TTBK2: variants seen among roughly 807,000 people sequenced by gnomAD.
TTBK2 encodes the protein tau tubulin kinase 2, also known as tau-tubulin kinase 2.
TTBK2 carries 28 observed loss-of-function variants against 110.8 expected under a neutral mutation model. The ratio of observed to expected loss-of-function variants is 0.25; its 90% CI spans 0.19 to 0.35. The LOEUF is 0.35. Ranked by LOEUF, TTBK2 falls within the 10% of genes least tolerant of loss-of-function variation. TTBK2 has a pLI of 1.00. For missense variants in TTBK2, 1,369 were observed against 1,500.3 expected (o/e 0.91, Z 1.45); for synonymous variants, 532 against 527.3 (o/e 1.01, Z -0.12).
intron 3 of TTBK2, among the ~76,000 whole-genome samples, chr15:42,851,249 G>GAA (rs761411827): frequency 2.0e-5 from 2 of 100,198 alleles, no homozygotes; most frequent in African/African-American, 7.4e-5. Flanking sequence ...CTCTGTCTCA[G>GAA]AAAAAAAAAA....
intron 3 of TTBK2, among the ~76,000 whole-genome samples, chr15:42,859,494 T>G (rs1894073034): frequency 6.6e-6 from 1 of 152,072 alleles, no homozygotes; most frequent in African/African-American, 2.4e-5. Context: ...TCTCACCTAA[T>G]GGGGTGCGGG....
chr15:42,911,831 G>A (rs2030770629), intron 1 of TTBK2, among the ~76,000 whole-genome samples: 1 of 152,160 alleles, frequency 6.6e-6, no homozygotes, highest in African/African-American at 2.4e-5. Flanking sequence ...ACAAGTGCAT[G>A]GGAAAATAAA....
chr15:42,906,025 C>T (rs540409958), intron 1 of TTBK2, among the ~76,000 whole-genome samples: 5 of 152,172 alleles, frequency 3.3e-5, no homozygotes, highest in Admixed American at 3.3e-4. Context: ...CCTGTCTCTA[C>T]TAAAAATACA....
At chr15:42,764,069 G>A (rs1003606514) in intron 13 of TTBK2, among the ~76,000 whole-genome samples, 2 of 152,146 alleles carry the variant, frequency 1.3e-5, no homozygotes, top group Non-Finnish European at 2.9e-5. Flanking sequence ...TATATACAAG[G>A]CTACAGGATT....
intron 11 of TTBK2, among the ~76,000 whole-genome samples, chr15:42,781,037 C>A (rs1223204787): frequency 6.6e-6 from 1 of 151,892 alleles, no homozygotes; most frequent in Admixed American, 6.6e-5. Context: ...AACATAAAGA[C>A]GTAAGATTGT....
chr15:42,821,718 T>C (rs1364749096), intron 6 of TTBK2, among the ~76,000 whole-genome samples: 1 of 145,500 alleles, frequency 6.9e-6, no homozygotes, highest in East Asian at 2.0e-4. Context: ...TGAGACAGAG[T>C]CTCACTCTGT....
Position 42,753,013 on chromosome 15 carries a change from T to A in TTBK2, c.2233A>T (p.Ile745Phe). ...DHIGHDMLPN[I>F]RESNKSQDLG... ...TCTTGAGATTTGTTACTTTCTCTAA[T>A]GTTGGGTAACATGTCATGACCAATG... The change falls in exon 14 of 15, where the codon ATT becomes TTT. Residue 745 changes from isoleucine (I) to phenylalanine (F), a missense_variant. Around this residue, in one of 4 missense-constraint regions of TTBK2, gnomAD observed 1,097 missense variants for 1,114.7 expected, o/e 0.98. Coordinates refer to ENST00000267890, the MANE Select transcript of TTBK2 (RefSeq NM_173500.4). 1 of 1,614,206 alleles carries A rather than the reference T, an allele frequency of 6.2e-7. No homozygotes were observed. The highest frequency in any genetic ancestry group is 8.5e-7 in the Non-Finnish European group (1 of 1,180,038).
chr15:42,818,084 AT>A (rs547086313), intron 6 of TTBK2, among the ~76,000 whole-genome samples: 37 of 151,990 alleles, frequency 2.4e-4, no homozygotes, highest in African/African-American at 8.7e-4. Flanking sequence ...TTAGATTTTA[AT>A]TTTTTTAAGA....
At chr15:42,878,770 T>G (rs1335575520) in intron 1 of TTBK2, 86 bp from the exon 2 acceptor site, 1 of 1,486,162 alleles carries the variant, frequency 6.7e-7, no homozygotes, top group Non-Finnish European at 9.1e-7. Flanking sequence ...GAAGCACTAC[T>G]AATACTATAC....
At chr15:42,809,754 T>C (rs1351861787) in intron 9 of TTBK2, among the ~76,000 whole-genome samples, 2 of 152,210 alleles carry the variant, frequency 1.3e-5, no homozygotes, top group Non-Finnish European at 2.9e-5. Context: ...CAAGGCTGTA[T>C]GTTGCCTCTT....
At chr15:42,827,194 C>G (rs1411441461) in intron 6 of TTBK2, among the ~76,000 whole-genome samples, 1 of 152,152 alleles carries the variant, frequency 6.6e-6, no homozygotes, top group African/African-American at 2.4e-5. Flanking sequence ...TGAAGAGCAA[C>G]AGCAGAGTCT....
chr15:42,860,461 A>C (rs1894109346), intron 3 of TTBK2, among the ~76,000 whole-genome samples: 1 of 150,450 alleles, frequency 6.6e-6, no homozygotes, highest in Non-Finnish European at 1.5e-5. Context: ...ACAACAACAA[A>C]AATTAGCCAG....
chr15:42,834,586 A>G (rs1177215260), intron 4 of TTBK2, among the ~76,000 whole-genome samples: 1 of 152,184 alleles, frequency 6.6e-6, no homozygotes, highest in Non-Finnish European at 1.5e-5. Flanking sequence ...ATCCAACATG[A>G]AAGAAGCCCC....
intron 13 of TTBK2, among the ~76,000 whole-genome samples, chr15:42,760,408 A>AC (rs1567006948): frequency 6.8e-6 from 1 of 146,992 alleles, no homozygotes; most frequent in Admixed American, 6.6e-5. Context: ...AAAAAACAAA[A>AC]AAAGAATTCA....
chr15:42,825,149 G>GTC (rs1892475122), intron 6 of TTBK2, among the ~76,000 whole-genome samples: 1 of 151,966 alleles, frequency 6.6e-6, no homozygotes, highest in Non-Finnish European at 1.5e-5. Context: ...CAGAGGGAAA[G>GTC]GAATATGAGA....
rs140402874 is a variant in TTBK2, at chr15:42,868,140, G to C, written c.217+4471C>G. Among the ~76,000 whole-genome samples the C allele has an allele frequency of 1.3e-3, 198 of 152,302 alleles. 1 individual carries two copies. The highest frequency in any genetic ancestry group is 4.7e-3 in the African/African-American group (195 of 41,568). On this transcript the variant is annotated intron_variant, in intron 3 of 14. Coordinates refer to ENST00000267890, the MANE Select transcript of TTBK2 (RefSeq NM_173500.4). ...TTAGGAGGCAGGGAAACAGTGCACA[G>C]AGGATTTTTAGGGCAGTAAAAATAG...
In TTBK2 at chr15:42,752,256, C is replaced by G; in HGVS notation, c.2990G>C (p.Ser997Thr). The G allele has an allele frequency of 6.2e-7, 1 of 1,614,166 alleles. No homozygotes were observed. The highest frequency in any genetic ancestry group is 8.5e-7 in the Non-Finnish European group (1 of 1,180,026). The change falls in exon 14 of 15, where the codon AGT becomes ACT. Residue 997 changes from serine (S) to threonine (T), a missense_variant. By Grantham distance (58) the Ser-to-Thr change is moderately conservative. This residue lies in a region of TTBK2 where 1,097 missense variants were observed against 1,114.7 expected (regional missense o/e 0.98). Coordinates refer to ENST00000267890, the MANE Select transcript of TTBK2 (RefSeq NM_173500.4). ...CTCCTCTAGCAATTTATCAGAGGCA[C>G]TTGAGAGGTCGCCAAGGAAGGACTT... ...QFKSFLGDLS[S>T]ASDKLLEEKL...
chr15:42,748,443 C>A (rs2061824020), intron 14 of TTBK2, among the ~76,000 whole-genome samples: 1 of 150,766 alleles, frequency 6.6e-6, no homozygotes, highest in African/African-American at 2.4e-5. Flanking sequence ...GGTGACAGAG[C>A]AAGATTCCGT....
intron 14 of TTBK2, among the ~76,000 whole-genome samples, chr15:42,748,350 G>A (rs555188704): frequency 3.9e-5 from 6 of 152,084 alleles, no homozygotes; most frequent in East Asian, 1.9e-4. Flanking sequence ...CCAGCTATTC[G>A]GGACACTGAG....
Sources: gnomAD v4.1 joint callset for allele counts (sites outside exome capture counted in the v4.1 genomes callset) on GRCh38, gnomAD v4.1.1 for gene constraint, gnomAD v4.1.1 regional missense constraint, MANE v1.5 for transcripts, NCBI Gene and HGNC (gene_info 2026-07-23, HGNC 2026-07-21) for gene names.